The following SGCD variants were observed in gnomAD, a reference collection of about 807,000 sequenced individuals.
The protein encoded by SGCD is delta-sarcoglycan.
In SGCD, 18 loss-of-function variants were observed where a neutral mutation model predicts 36.6. The ratio of observed to expected loss-of-function variants is 0.49; its 90% CI spans 0.34 to 0.73. The LOEUF is 0.73. Ranked by LOEUF, SGCD falls within the 30% of genes least tolerant of loss-of-function variation. SGCD has a pLI of 0.01. For synonymous variants in SGCD, 133 were observed against 130.6 expected, an observed-to-expected ratio of 1.02 and a Z score of -0.12; for missense variants, 387 against 346.7, an observed-to-expected ratio of 1.12 and a Z score of -0.92.
chr5:156,285,953 C>T (rs978292337), intron 3 of SGCD, among the ~76,000 whole-genome samples: 1 of 152,156 alleles, frequency 6.6e-6, no homozygotes, highest in Admixed American at 6.6e-5. Context: ...CCAGAATCTA[C>T]AATGAACTCC....
chr5:156,590,186 C>T (rs1419866264), intron 5 of SGCD, among the ~76,000 whole-genome samples: 1 of 152,132 alleles, frequency 6.6e-6, no homozygotes, highest in Non-Finnish European at 1.5e-5. Context: ...ACCCAAATGC[C>T]TCGAAACATT....
chr5:156,505,660 T>C (rs903927616), intron 3 of SGCD, among the ~76,000 whole-genome samples: 2 of 152,190 alleles, frequency 1.3e-5, no homozygotes, highest in Non-Finnish European at 2.9e-5. Context: ...CCTGTTTCAC[T>C]GGAGAAACTA....
chr5:156,513,568 A>G (rs1219038772), intron 4 of SGCD, among the ~76,000 whole-genome samples: 1 of 152,210 alleles, frequency 6.6e-6, no homozygotes, highest in Non-Finnish European at 1.5e-5. Flanking sequence ...AAGATTAGTC[A>G]ACTACTCGAA....
intron 3 of SGCD, among the ~76,000 whole-genome samples, chr5:156,403,143 C>T (rs573919864): frequency 1.4e-4 from 22 of 152,226 alleles, no homozygotes; most frequent in African/African-American, 4.1e-4. Context: ...CCCACCCTGC[C>T]GCCTTTTCCT....
Position 156,655,133 on chromosome 5 carries a change from G to A in SGCD, c.575+7597G>A, listed in dbSNP as rs186237610. Among the ~76,000 whole-genome samples the A allele has an allele frequency of 4.9e-3, 738 of 152,036 alleles. 3 individuals are homozygous for A. Among genetic ancestry groups the A allele is most frequent in the Non-Finnish European group, 6.1e-3 (415 of 67,960 alleles). On this transcript the variant is annotated intron_variant, in intron 7 of 8. Transcript: ENST00000337851. The stretch of plus-strand genomic sequence containing the variant: ...ACTTGTCAATAATGGAAAACAAATG[G>A]ATTCAAAAGACCACAACTTATTTAG...
At chr5:156,549,689 A>G (rs1758715843) in intron 4 of SGCD, among the ~76,000 whole-genome samples, 1 of 152,230 alleles carries the variant, frequency 6.6e-6, no homozygotes, top group Admixed American at 6.5e-5. Context: ...TCAGCATTCA[A>G]CTGCTGAATG....
At chr5:156,167,495 C>T (rs1763240688) in intron 3 of SGCD, among the ~76,000 whole-genome samples, 1 of 152,098 alleles carries the variant, frequency 6.6e-6, no homozygotes, top group African/African-American at 2.4e-5. Context: ...CTCCAAATCT[C>T]ATGTTGAAAT....
At chr5:156,625,578 GA>G (rs1762408278) in intron 6 of SGCD, among the ~76,000 whole-genome samples, 2 of 152,138 alleles carry the variant, frequency 1.3e-5, no homozygotes, top group South Asian at 4.1e-4. Flanking sequence ...AGAGGTTAAT[GA>G]AAAGAATGAT....
At chr5:156,359,578 C>T (rs1201743596) in intron 3 of SGCD, among the ~76,000 whole-genome samples, 1 of 152,180 alleles carries the variant, frequency 6.6e-6, no homozygotes, top group Non-Finnish European at 1.5e-5. Context: ...TTTCTAACAG[C>T]TGTTGCACAT....
At chr5:156,265,352 G>T (rs188032326) in intron 3 of SGCD, among the ~76,000 whole-genome samples, 18 of 152,164 alleles carry the variant, frequency 1.2e-4, no homozygotes, top group Admixed American at 7.9e-4. Flanking sequence ...AAGAAATATT[G>T]TTTCCTAATT....
At chr5:156,256,355 C>T (rs1044585435) in intron 3 of SGCD, among the ~76,000 whole-genome samples, 11 of 152,162 alleles carry the variant, frequency 7.2e-5, no homozygotes, top group African/African-American at 2.4e-4. Context: ...TCTCCCTGAA[C>T]GTGATATGCT....
At chr5:156,643,026 T>G (rs1023007210) in intron 6 of SGCD, among the ~76,000 whole-genome samples, 20 of 98,586 alleles carry the variant, frequency 2.0e-4, no homozygotes, top group East Asian at 6.6e-4. Flanking sequence ...GGTTTTTTGT[T>G]TTTTTTTTTG....
intron 1 of SGCD, among the ~76,000 whole-genome samples, chr5:155,996,918 C>T (rs62380694): frequency 1.4e-5 from 2 of 138,888 alleles, no homozygotes; most frequent in African/African-American, 5.6e-5. Context: ...GACAGACAGA[C>T]AGGCAGGCAG....
At chr5:156,318,140 A>G (rs553789170) in intron 3 of SGCD, among the ~76,000 whole-genome samples, 32 of 152,348 alleles carry the variant, frequency 2.1e-4, no homozygotes, top group African/African-American at 7.2e-4. Flanking sequence ...AACCAACTTC[A>G]TGAGATTGAT....
chr5:156,018,124 C>T (rs1759024516), intron 1 of SGCD, among the ~76,000 whole-genome samples: 1 of 152,164 alleles, frequency 6.6e-6, no homozygotes, highest in African/African-American at 2.4e-5. Flanking sequence ...TGCACCACTG[C>T]AATCCTGAGC....
the SGCD span, among the ~76,000 whole-genome samples, chr5:155,848,865 C>A: frequency 1.3e-5 from 2 of 152,244 alleles, no homozygotes; most frequent in Admixed American, 1.3e-4. Context: ...TAACTTTACT[C>A]ATGTAAGAAA....
chr5:156,091,908 G>A (rs897332248), intron 1 of SGCD, among the ~76,000 whole-genome samples: 1 of 152,224 alleles, frequency 6.6e-6, no homozygotes, highest in Admixed American at 6.5e-5. Context: ...CCACCCCTTG[G>A]TTGTTCAGTC....
At chr5:155,823,069 T>TATCTATCTAC in the SGCD span, among the ~76,000 whole-genome samples, 1 of 100,930 alleles carries the variant, frequency 9.9e-6, no homozygotes, top group African/African-American at 3.1e-5. Context: ...TCTATATCTA[T>TATCTATCTAC]CTATCTATCT....
chr5:156,518,919 A>T (rs911997662), intron 4 of SGCD, among the ~76,000 whole-genome samples: 6 of 152,192 alleles, frequency 3.9e-5, no homozygotes, highest in African/African-American at 1.4e-4. Flanking sequence ...TCAAATGAAC[A>T]TCCTAACATC....
Sources: gnomAD v4.1 joint callset for allele counts (sites outside exome capture counted in the v4.1 genomes callset) on GRCh38, gnomAD v4.1.1 for gene constraint, MANE v1.5 for transcripts, NCBI Gene and HGNC (gene_info 2026-07-23, HGNC 2026-07-21) for gene names.